PON1: variants seen among roughly 807,000 people sequenced by gnomAD.
PON1 encodes serum paraoxonase/arylesterase 1.
In PON1, 37 loss-of-function variants were observed where a neutral mutation model predicts 39.2. That is an observed-to-expected ratio of 0.94 (90% CI 0.73 to 1.24). The LOEUF is 1.24. Ranked by LOEUF, PON1 falls within the 50% of genes most tolerant of loss-of-function variation. The pLI is 0.00. For synonymous variants in PON1, 148 were observed against 152.2 expected, an observed-to-expected ratio of 0.97 and a Z score of 0.21; for missense variants, 397 against 413.5, an observed-to-expected ratio of 0.96 and a Z score of 0.35.
chr7:95,303,324 C>T (rs1807472664), intron 7 of PON1, among the ~76,000 whole-genome samples: 1 of 150,174 alleles, frequency 6.7e-6, no homozygotes, highest in Non-Finnish European at 1.5e-5. Context: ...TCTTTCTTAC[C>T]CCAGAGACAG....
At chr7:95,303,396 A>G (rs927746201) in intron 7 of PON1, among the ~76,000 whole-genome samples, 24 of 152,310 alleles carry the variant, frequency 1.6e-4, no homozygotes, top group Non-Finnish European at 2.2e-4. Context: ...TCCCAGTGTC[A>G]GCACACCACT....
At position 95,316,647 on chromosome 7, in the gene PON1, G is replaced by C; in HGVS notation, c.201+87C>G. On this transcript the variant is annotated intron_variant, in intron 3 of 8. Transcript: ENST00000222381. Reference sequence around the variant, plus strand: ...GTTCATTTTATTTGAAAGTGGGCATGGGTATACAGAAAGCCTAAGTGAAAG... The same window carrying C: ...GTTCATTTTATTTGAAAGTGGGCATCGGTATACAGAAAGCCTAAGTGAAAG... The C allele has an allele frequency of 2.8e-6, 3 of 1,056,786 alleles. No homozygotes were observed. In the South Asian group the frequency reaches 3.7e-5, roughly 13 times the overall value. 65.5% of individuals were successfully genotyped at this position (1,056,786 alleles called of 1,614,324 possible). A position where few individuals can be genotyped will look rare whatever the true frequency, so the allele number is the denominator to read the frequency against.
intron 1 of PON1, among the ~76,000 whole-genome samples, chr7:95,320,550 T>C (rs1273098163): frequency 6.6e-6 from 1 of 152,218 alleles, no homozygotes; most frequent in Admixed American, 6.5e-5. Flanking sequence ...TAAGTTATAG[T>C]TGACCAAGAT....
chr7:95,315,566 T>A, intron 3 of PON1, 76 bp from the exon 4 acceptor site: 1 of 1,473,656 alleles, frequency 6.8e-7, no homozygotes, highest in Non-Finnish European at 9.4e-7. Flanking sequence ...GCATGGCCCA[T>A]GGGTTCATGT....
At chr7:95,309,166 A>C (rs1407526185) in intron 5 of PON1, among the ~76,000 whole-genome samples, 1 of 152,162 alleles carries the variant, frequency 6.6e-6, no homozygotes. Flanking sequence ...TCTCAAAATC[A>C]TACAGCTCAT....
At chr7:95,324,356 G>C (rs1321143098) in intron 1 of PON1, 46 bp downstream of exon 1, 1 of 1,575,320 alleles carries the variant, frequency 6.3e-7, no homozygotes, top group Non-Finnish European at 8.7e-7. Flanking sequence ...AGCTGGCAGG[G>C]AGTGAGGAGG....
intron 5 of PON1, among the ~76,000 whole-genome samples, chr7:95,309,327 AG>A (rs1211005401): frequency 6.6e-6 from 1 of 150,808 alleles, no homozygotes; most frequent in Non-Finnish European, 1.5e-5. Flanking sequence ...AAAAAAAAAA[AG>A]GTCTCGGAAT....
At chr7:95,309,995 A>C (rs976479135) in intron 5 of PON1, among the ~76,000 whole-genome samples, 1 of 152,192 alleles carries the variant, frequency 6.6e-6, no homozygotes, top group African/African-American at 2.4e-5. Context: ...CTGGCTCAAG[A>C]AAAAAATACT....
At chr7:95,323,444 A>G (rs1807944293) in intron 1 of PON1, among the ~76,000 whole-genome samples, 1 of 152,200 alleles carries the variant, frequency 6.6e-6, no homozygotes, top group South Asian at 2.1e-4. Context: ...CATCCACAAT[A>G]AATAGTAAAA....
intron 2 of PON1, among the ~76,000 whole-genome samples, chr7:95,317,567 A>C (rs1807795077): frequency 8.1e-6 from 1 of 123,284 alleles, no homozygotes; most frequent in South Asian, 2.5e-4. Flanking sequence ...AATAATTCTA[A>C]AAGAACAAAA....
At chr7:95,310,341 C>A (rs1452119303) in intron 5 of PON1, among the ~76,000 whole-genome samples, 1 of 152,236 alleles carries the variant, frequency 6.6e-6, no homozygotes, top group Non-Finnish European at 1.5e-5. Flanking sequence ...TGCCCAGCTT[C>A]TCCATTCTAC....
intron 8 of PON1, among the ~76,000 whole-genome samples, chr7:95,300,623 A>G (rs1449376447): frequency 6.6e-6 from 1 of 152,198 alleles, no homozygotes; most frequent in Non-Finnish European, 1.5e-5. Context: ...ATCTAGGGGC[A>G]GTGCATTGGA....
intron 6 of PON1, 121 bp downstream of exon 6, chr7:95,307,890 C>T (rs1215388507): frequency 3.0e-6 from 3 of 1,009,298 alleles, no homozygotes; most frequent in Non-Finnish European, 4.5e-6. Flanking sequence ...TACATTTTTC[C>T]TAATTTTATC....
chr7:95,308,143 G>A lies in PON1; in HGVS notation c.566C>T (p.Pro189Leu), dbSNP rs766568477. ...YGTNDHYFLD[P>L]YLQSWEMYLG... is the part of the protein sequence containing the mutation. The stretch of plus-strand genomic sequence containing the variant: ...ATACATCTCCCAGGATTGTAAGTAG[G>A]GGTCAAGAAAATAGTGATCATTTGT... The change falls in exon 6 of 9, where the codon CCC (proline) becomes CTC (leucine). Residue 189 changes from proline to leucine, a missense_variant. Transcript: ENST00000222381. 1.2e-6 allele frequency: 2 copies of A among 1,614,082 alleles called. No homozygotes were observed. Among genetic ancestry groups the A allele is most frequent in the Admixed American group, 3.3e-5 (2 of 60,018 alleles).
chr7:95,322,037 A>C (rs896909826), intron 1 of PON1, among the ~76,000 whole-genome samples: 1 of 152,174 alleles, frequency 6.6e-6, no homozygotes, highest in Non-Finnish European at 1.5e-5. Flanking sequence ...GGTACTCTGC[A>C]GATGTCCACT....
intron 3 of PON1, 57 bp from the exon 4 acceptor site, chr7:95,315,547 A>C: frequency 6.4e-7 from 1 of 1,560,722 alleles, no homozygotes; most frequent in Non-Finnish European, 8.8e-7. Context: ...AAATGCTAAT[A>C]GAGGCGCTGC....
At chr7:95,324,346 A>T (rs1807965605) in intron 1 of PON1, 56 bp downstream of exon 1, 3 of 1,548,536 alleles carry the variant, frequency 1.9e-6, no homozygotes, top group Admixed American at 1.7e-5. Context: ...GGGCTCGTGG[A>T]GCTGGCAGGG....
At chr7:95,317,587 AAAAAAAG>A (rs545151932) in intron 2 of PON1, among the ~76,000 whole-genome samples, 33,821 of 137,726 alleles carry the variant, frequency 0.25, 3,267 homozygotes, top group Middle Eastern at 0.38. Flanking sequence ...AAAAAAAAAA[AAAAAAAG>A]AAAGAAAAAG....
intron 4 of PON1, 68 bp from the exon 5 acceptor site, chr7:95,311,645 A>G: frequency 6.6e-7 from 1 of 1,523,506 alleles, no homozygotes; most frequent in South Asian, 1.1e-5. Flanking sequence ...CTCTCCAAAA[A>G]CCAATTTCAA....
Sources: gnomAD v4.1 joint callset for allele counts (sites outside exome capture counted in the v4.1 genomes callset) on GRCh38, gnomAD v4.1.1 for gene constraint, MANE v1.5 for transcripts, NCBI Gene and HGNC (gene_info 2026-07-23, HGNC 2026-07-21) for gene names.